Variants in GPM6B observed in about 807,000 individuals in gnomAD.
GPM6B encodes neuronal membrane glycoprotein M6-b.
In GPM6B, 4 loss-of-function variants were observed where a neutral mutation model predicts 27.2. The ratio of observed to expected loss-of-function variants is 0.15; its 90% CI spans 0.07 to 0.34. The LOEUF is 0.34. GPM6B is among the 10% of genes least tolerant of loss of function. The pLI, the probability that GPM6B is intolerant of heterozygous loss-of-function variation, is 1.00. For synonymous variants in GPM6B, 124 were observed against 103.1 expected, an observed-to-expected ratio of 1.20 and a Z score of -1.23; for missense variants, 183 against 261.9, an observed-to-expected ratio of 0.70 and a Z score of 2.08.
At chrX:13,858,028 T>C (rs1400218649) in intron 1 of GPM6B, among the ~76,000 whole-genome samples, 2 of 112,577 alleles carry the variant, frequency 1.8e-5, no homozygotes, top group African/African-American at 3.2e-5. Flanking sequence ...CTGCATGCAT[T>C]GACCATCAAA....
intron 1 of GPM6B, among the ~76,000 whole-genome samples, chrX:13,923,106 G>A (rs1388402580): frequency 9.0e-6 from 1 of 110,725 alleles, no homozygotes; most frequent in Non-Finnish European, 1.9e-5. Context: ...AACCCAGGAC[G>A]CAGAGGTTGC....
chrX:13,911,605 T>C (rs1157609014), intron 1 of GPM6B, among the ~76,000 whole-genome samples: 2 of 112,427 alleles, frequency 1.8e-5, no homozygotes, highest in Non-Finnish European at 3.8e-5. Flanking sequence ...GAAAGGTCTA[T>C]CAATTTTGGC....
At chrX:13,790,847 G>A (rs1467643579) in intron 2 of GPM6B, among the ~76,000 whole-genome samples, 1 of 105,434 alleles carries the variant, frequency 9.5e-6, no homozygotes, top group Admixed American at 1.1e-4. Context: ...TGAGTCACCT[G>A]AGAAAGCAGA....
chrX:13,799,683 G>A (rs763757418), intron 2 of GPM6B, among the ~76,000 whole-genome samples: 7 of 110,656 alleles, frequency 6.3e-5, no homozygotes, highest in South Asian at 3.9e-4. Context: ...CCTAGGTCCC[G>A]AGCCAGGCCA....
At chrX:13,859,481 G>A (rs2049818203) in intron 1 of GPM6B, among the ~76,000 whole-genome samples, 1 of 111,197 alleles carries the variant, frequency 9.0e-6, no homozygotes, top group African/African-American at 3.3e-5. Context: ...CCAGTTGAAG[G>A]ACATTTGGGC....
intron 1 of GPM6B, among the ~76,000 whole-genome samples, chrX:13,905,379 G>A (rs1192423255): frequency 1.8e-5 from 2 of 111,316 alleles, no homozygotes; most frequent in Admixed American, 9.6e-5. Flanking sequence ...AAGAATTTTA[G>A]TTCTTCACAC....
At chrX:13,795,997 G>A (rs1466018176) in intron 2 of GPM6B, among the ~76,000 whole-genome samples, 1 of 111,009 alleles carries the variant, frequency 9.0e-6, no homozygotes, top group Non-Finnish European at 1.9e-5. Flanking sequence ...TGCCAGCTCG[G>A]CTCACTGCAA....
chrX:13,897,901 A>G (rs747661117), intron 1 of GPM6B, among the ~76,000 whole-genome samples: 3 of 112,172 alleles, frequency 2.7e-5, no homozygotes, highest in African/African-American at 9.7e-5. Flanking sequence ...ATCTCCTCTG[A>G]CAGCTCATGA....
At chrX:13,925,085 C>T (rs1331036858) in intron 1 of GPM6B, among the ~76,000 whole-genome samples, 2 of 111,855 alleles carry the variant, frequency 1.8e-5, no homozygotes, top group Admixed American at 9.4e-5. Flanking sequence ...AGATGAAATT[C>T]TATTCAAAGG....
chrX:13,773,958 T>C, intron 7 of GPM6B: 1 of 671,444 alleles, frequency 1.5e-6, no homozygotes, highest in Non-Finnish European at 1.7e-6. Flanking sequence ...AAATCCTTTT[T>C]TTTTTTTTTT....
chrX:13,865,013 G>A (rs2049893287), intron 1 of GPM6B, among the ~76,000 whole-genome samples: 1 of 112,127 alleles, frequency 8.9e-6, no homozygotes, highest in South Asian at 3.7e-4. Context: ...TCAAAGTTAT[G>A]TGAATGTAGT....
chrX:13,933,773 A>G (rs1156624410), intron 1 of GPM6B, among the ~76,000 whole-genome samples: 1 of 111,288 alleles, frequency 9.0e-6, no homozygotes, highest in African/African-American at 3.3e-5. Flanking sequence ...CTGCCCAGAG[A>G]TTGGTTCCCA....
At chrX:13,859,149 T>C (rs188324855) in intron 1 of GPM6B, among the ~76,000 whole-genome samples, 2 of 112,416 alleles carry the variant, frequency 1.8e-5, no homozygotes, top group East Asian at 5.6e-4. Flanking sequence ...TTACGAAATT[T>C]AGTAATCATA....
chrX:13,886,719 T>TAAAAAAAAAAAAAAAAAAAAA lies in GPM6B; in HGVS notation c.-198+51587_-198+51607dup, dbSNP rs5901522. The stretch of plus-strand genomic sequence containing the variant: ...ACCTCTCTCTACCTTAAGTCACTAC[T>TAAAAAAAAAAAAAAAAAAAAA]AAAAAAAAAAAAAAAAAAAAAAATC... On this transcript the variant is annotated intron_variant, in intron 1 of 6. Transcript: ENST00000398361. Among the ~76,000 whole-genome samples, 43 of 35,093 alleles carry TAAAAAAAAAAAAAAAAAAAAA rather than the reference T, an allele frequency of 1.2e-3. 3 individuals are homozygous for TAAAAAAAAAAAAAAAAAAAAA. Among genetic ancestry groups the TAAAAAAAAAAAAAAAAAAAAA allele is most frequent in the South Asian group, 5.7e-3 (1 of 176 alleles). The allele number at this position is 35,093 out of a possible 115,157, so 30.5% of individuals were successfully genotyped here. A position where few individuals can be genotyped will look rare whatever the true frequency, so the allele number is the denominator to read the frequency against.
chrX:13,877,387 A>G (rs2050044226), intron 1 of GPM6B, among the ~76,000 whole-genome samples: 1 of 111,955 alleles, frequency 8.9e-6, no homozygotes, highest in Non-Finnish European at 1.9e-5. Context: ...AACAGAGCAG[A>G]GTTTGGGAGT....
upstream of GPM6B, among the ~76,000 whole-genome samples, chrX:13,820,980 C>A (rs1217375267): frequency 3.6e-5 from 4 of 111,056 alleles, no homozygotes; most frequent in Non-Finnish European, 5.7e-5. Context: ...CAAAGAAGGA[C>A]AAATTAGAAA....
At chrX:13,817,202 G>T, upstream of GPM6B, 1 of 875,948 alleles carries the variant, frequency 1.1e-6, no homozygotes, top group Non-Finnish European at 1.4e-6. Flanking sequence ...CAGTCTCAAT[G>T]CGGCTCCAGT....
chrX:13,838,974 C>T (rs773506499), intron 1 of GPM6B, among the ~76,000 whole-genome samples: 1 of 111,548 alleles, frequency 9.0e-6, no homozygotes, highest in South Asian at 3.8e-4. Flanking sequence ...CCTCATGATA[C>T]CCTCCTCCCA....
chrX:13,905,103 C>T (rs200438746), intron 1 of GPM6B, among the ~76,000 whole-genome samples: 2 of 107,635 alleles, frequency 1.9e-5, no homozygotes, highest in East Asian at 5.8e-4. Flanking sequence ...TGGTGGTGCA[C>T]GCCTGTAGTC....
Sources: allele counts gnomAD v4.1 joint callset (sites outside exome capture counted in the v4.1 genomes callset), GRCh38; gene constraint gnomAD v4.1.1; transcripts MANE v1.5; gene names NCBI Gene and HGNC (gene_info 2026-07-23, HGNC 2026-07-21).